The following TECPR2 variants were observed in gnomAD, a reference collection of about 807,000 sequenced individuals.
TECPR2 encodes the protein tectonin beta-propeller repeat-containing protein 2.
Under a neutral mutation model 138.1 loss-of-function variants are expected in TECPR2, and 65 were observed. The observed-to-expected ratio is 0.47, with a 90% confidence interval of 0.39 to 0.58. TECPR2 has a LOEUF of 0.58. Among genes scored for constraint, TECPR2 ranks in the 20% least tolerant of loss-of-function variants. The probability of loss-of-function intolerance (pLI) is 0.00; values close to 1 mark genes in which losing one functional copy is unlikely to be tolerated. For synonymous variants in TECPR2, 746 were observed against 749.8 expected, an observed-to-expected ratio of 0.99 and a Z score of 0.08; for missense variants, 1,553 against 1,824.5, an observed-to-expected ratio of 0.85 and a Z score of 2.71.
At chr14:102,364,552 T>G (rs531045480) in intron 1 of TECPR2, among the ~76,000 whole-genome samples, 1 of 152,176 alleles carries the variant, frequency 6.6e-6, no homozygotes, top group Non-Finnish European at 1.5e-5. Flanking sequence ...AGGACTGCCT[T>G]GGAAAACCAG....
At chr14:102,485,062 G>T (rs1303494715) in intron 17 of TECPR2, among the ~76,000 whole-genome samples, 1 of 152,230 alleles carries the variant, frequency 6.6e-6, no homozygotes, top group Non-Finnish European at 1.5e-5. Flanking sequence ...GAAGCTTCTG[G>T]CTTCTTCAGC....
chr14:102,379,547 T>C (rs556140451), intron 2 of TECPR2, among the ~76,000 whole-genome samples: 2 of 149,080 alleles, frequency 1.3e-5, no homozygotes, highest in South Asian at 4.3e-4. Context: ...CTGCTGAAGA[T>C]CACAATCTTA....
intron 4 of TECPR2, among the ~76,000 whole-genome samples, chr14:102,410,183 A>G (rs1318999786): frequency 6.6e-6 from 1 of 152,242 alleles, no homozygotes; most frequent in Non-Finnish European, 1.5e-5. Context: ...TTGTGAAAAT[A>G]TCTCTATAGC....
At chr14:102,452,648 C>T (rs1341123741) in intron 16 of TECPR2, 21 bp downstream of exon 16, 1 of 1,543,996 alleles carries the variant, frequency 6.5e-7, no homozygotes, top group Admixed American at 1.9e-5. Flanking sequence ...CTCGTGAGTA[C>T]ACCTGCCGGT....
At chr14:102,498,028 A>AGCTCCCAGCTCCATCTGTGCCCAC in intron 19 of TECPR2, 75 bp from the exon 20 acceptor site, 1 of 1,558,672 alleles carries the variant, frequency 6.4e-7, no homozygotes, top group Non-Finnish European at 8.7e-7. Flanking sequence ...CCTGCGCCCA[A>AGCTCCCAGCTCCATCTGTGCCCAC]GCTCCCAGCT....
At chr14:102,416,175 G>A (rs751837732) in intron 5 of TECPR2, among the ~76,000 whole-genome samples, 1 of 152,114 alleles carries the variant, frequency 6.6e-6, no homozygotes, top group Non-Finnish European at 1.5e-5. Context: ...AGGCTGGAGT[G>A]CAGTGGTGCG....
chr14:102,403,644 ATTGT>A (rs1888559476), intron 2 of TECPR2, among the ~76,000 whole-genome samples: 1 of 152,222 alleles, frequency 6.6e-6, no homozygotes, highest in African/African-American at 2.4e-5. Context: ...TCCACAAAAA[ATTGT>A]TTGAACTAAT....
At position 102,367,936 on chromosome 14, in the gene TECPR2, C is replaced by T. The variant is rs142739772; in HGVS notation, c.-73+4820C>T. 3.5e-3 allele frequency among the ~76,000 whole-genome samples: 483 copies of T among 138,660 alleles called. 2 individuals are homozygous for T. The highest frequency in any genetic ancestry group is 8.4e-3 in the Middle Eastern group (2 of 238). 91.0% of individuals were successfully genotyped at this position (138,660 alleles called of 152,430 possible). On this transcript the variant is annotated intron_variant, in intron 1 of 19. Transcript: ENST00000359520. Reference sequence around the variant, plus strand: ...ATGAAGTGGTATCTCCTTGTGGTTTCGATTTGCATTTCCCTGATGAGTAAT... The same window carrying T: ...ATGAAGTGGTATCTCCTTGTGGTTTTGATTTGCATTTCCCTGATGAGTAAT...
At chr14:102,421,350 C>T (rs1595115922) in intron 5 of TECPR2, among the ~76,000 whole-genome samples, 1 of 152,320 alleles carries the variant, frequency 6.6e-6, no homozygotes, top group South Asian at 2.1e-4. Flanking sequence ...AAAAGATCCA[C>T]GATGTCAAAA....
At chr14:102,431,340 ATT>A (rs35092221) in intron 7 of TECPR2, among the ~76,000 whole-genome samples, 87 of 111,714 alleles carry the variant, frequency 7.8e-4, no homozygotes, top group African/African-American at 2.2e-3. Flanking sequence ...GTTTTGGTGG[ATT>A]TTTTTTTTTT....
intron 2 of TECPR2, among the ~76,000 whole-genome samples, chr14:102,384,278 C>G (rs1010915887): frequency 1.3e-5 from 2 of 152,010 alleles, no homozygotes; most frequent in African/African-American, 4.8e-5. Context: ...ATTTGGCCCA[C>G]AATTCTGTAG....
At chr14:102,377,456 G>A (rs569073930) in intron 2 of TECPR2, among the ~76,000 whole-genome samples, 18 of 152,254 alleles carry the variant, frequency 1.2e-4, no homozygotes, top group African/African-American at 3.9e-4. Context: ...CACCACACCT[G>A]GCCTAACATC....
Position 102,443,068 on chromosome 14 carries a change from C to T in TECPR2, c.2753-579C>T, listed in dbSNP as rs977653687. ...GCACCCAGTCAGAGCAGAGAGGAGC[C>T]GCCGTGCTGGAGCTCTCTGCAGGAA... On this transcript the variant is annotated intron_variant, in intron 11 of 19. Transcript: ENST00000359520. This position sits in a 1 kb window ranked among gnomAD's most constrained non-coding sequence, Gnocchi z 4.9. Among the ~76,000 whole-genome samples, 7 of 152,210 alleles carry T rather than the reference C, an allele frequency of 4.6e-5. No homozygotes were observed. Among genetic ancestry groups the T allele is most frequent in the South Asian group, 4.1e-4 (2 of 4,834 alleles).
chr14:102,371,056 G>C (rs1159175634), intron 1 of TECPR2, among the ~76,000 whole-genome samples: 1 of 152,230 alleles, frequency 6.6e-6, no homozygotes, highest in African/African-American at 2.4e-5. Context: ...GAGATCTAGA[G>C]AGGTTGAGCA....
intron 17 of TECPR2, among the ~76,000 whole-genome samples, chr14:102,488,078 A>G (rs886123368): frequency 1.4e-5 from 2 of 141,996 alleles, no homozygotes; most frequent in Non-Finnish European, 3.1e-5. Flanking sequence ...TCCGGACCTC[A>G]GGTGATACGC....
chr14:102,458,386 C>T (rs1248007743), intron 16 of TECPR2, among the ~76,000 whole-genome samples: 1 of 152,206 alleles, frequency 6.6e-6, no homozygotes, highest in Non-Finnish European at 1.5e-5. Context: ...GCTACCAGAG[C>T]TGTCTTCCTC....
intron 17 of TECPR2, among the ~76,000 whole-genome samples, chr14:102,479,796 G>A (rs780207191): frequency 2.0e-5 from 3 of 152,206 alleles, no homozygotes; most frequent in Non-Finnish European, 4.4e-5. Context: ...CTGAGCCAGC[G>A]TCGCTTGTAT....
intron 17 of TECPR2, among the ~76,000 whole-genome samples, chr14:102,466,781 G>A (rs1890557298): frequency 6.6e-6 from 1 of 152,164 alleles, no homozygotes; most frequent in Non-Finnish European, 1.5e-5. Flanking sequence ...CTCCAAAACA[G>A]AGAGAACACC....
rs759169832 is a variant in TECPR2, at chr14:102,449,872, G to A, written c.3316+3G>A. On this transcript the variant is annotated splice_donor_region_variant and intron_variant, in intron 14 of 19. Coordinates refer to ENST00000359520, the MANE Select transcript of TECPR2 (RefSeq NM_014844.5). ...CGTCGCTAAGGGAAGTCTCATAGGT[G>A]GGTGAATTGCTGTAATTTTCACACT... 6.2e-7 allele frequency: 1 copy of A among 1,611,922 alleles called. No individual in the cohort carries two copies. Among genetic ancestry groups the A allele is most frequent in the Admixed American group, 1.7e-5 (1 of 59,874 alleles).
Sources: allele counts gnomAD v4.1 joint callset (sites outside exome capture counted in the v4.1 genomes callset), GRCh38; gene constraint gnomAD v4.1.1; non-coding constraint Gnocchi (gnomAD v3.1); transcripts MANE v1.5; gene names NCBI Gene and HGNC (gene_info 2026-07-23, HGNC 2026-07-21).